The following TENM1 variants were observed in gnomAD, a reference collection of about 807,000 sequenced individuals.
TENM1 encodes teneurin transmembrane protein 1.
In TENM1, 35 loss-of-function variants were observed where a neutral mutation model predicts 174.8. The ratio of observed to expected loss-of-function variants is 0.20; its 90% CI spans 0.15 to 0.27. The LOEUF (loss-of-function observed/expected upper bound fraction) is 0.27. TENM1 is among the 10% of genes least tolerant of loss of function. The probability of loss-of-function intolerance (pLI) is 1.00; values close to 1 mark genes in which losing one functional copy is unlikely to be tolerated. For synonymous variants in TENM1, 781 were observed against 798.7 expected, an observed-to-expected ratio of 0.98 and a Z score of 0.37; for missense variants, 1,633 against 2,130.1, an observed-to-expected ratio of 0.77 and a Z score of 4.59.
At chrX:124,472,769 T>C (rs185450968) in intron 22 of TENM1, among the ~76,000 whole-genome samples, 263 of 111,198 alleles carry the variant, frequency 2.4e-3, no homozygotes, top group African/African-American at 7.8e-3. Flanking sequence ...GTCAACACAC[T>C]GTAGACTTCA....
At chrX:125,041,339 T>C in the TENM1 span, among the ~76,000 whole-genome samples, 1 of 111,133 alleles carries the variant, frequency 9.0e-6, no homozygotes, top group Non-Finnish European at 1.9e-5. Flanking sequence ...ATTGAACTTC[T>C]GGTCACACTT....
intron 3 of TENM1, among the ~76,000 whole-genome samples, chrX:124,753,782 G>A (rs1248929832): frequency 8.9e-6 from 1 of 111,762 alleles, no homozygotes; most frequent in East Asian, 2.8e-4. Flanking sequence ...TTTATATGCT[G>A]GATTACATTT....
At chrX:125,058,987 TCA>T in the TENM1 span, among the ~76,000 whole-genome samples, 19,937 of 103,127 alleles carry the variant, frequency 0.19, 1,478 homozygotes, top group Admixed American at 0.33. Context: ...TTCATCATCA[TCA>T]CACACACACA....
intron 22 of TENM1, among the ~76,000 whole-genome samples, chrX:124,462,985 C>A (rs1346947749): frequency 1.8e-5 from 2 of 111,536 alleles, no homozygotes; most frequent in East Asian, 2.8e-4. Context: ...GGTTGACAAC[C>A]AAGAGCAAAC....
chrX:124,454,287 C>G (rs1360703615), intron 22 of TENM1, among the ~76,000 whole-genome samples: 1 of 111,566 alleles, frequency 9.0e-6, no homozygotes, highest in African/African-American at 3.3e-5. Flanking sequence ...CCTTACTTAG[C>G]TAAAGTGATC....
the TENM1 span, among the ~76,000 whole-genome samples, chrX:125,001,925 TCACACACACACACA>T: frequency 6.7e-4 from 45 of 67,249 alleles, no homozygotes; most frequent in Non-Finnish European, 1.1e-3. Context: ...TCTAGAGAGA[TCACACACACACACA>T]CACACACACA....
chrX:124,409,867 A>G (rs2060512237), intron 25 of TENM1, among the ~76,000 whole-genome samples: 1 of 110,637 alleles, frequency 9.0e-6, no homozygotes, highest in African/African-American at 3.3e-5. Flanking sequence ...ATGAAATAAA[A>G]GAGGATACAA....
intron 3 of TENM1, among the ~76,000 whole-genome samples, chrX:124,793,134 T>C (rs960249469): frequency 8.9e-6 from 1 of 111,744 alleles, no homozygotes; most frequent in African/African-American, 3.2e-5. Flanking sequence ...AATAATTTTA[T>C]AGTCTTTTCC....
At chrX:125,145,180 T>C in the TENM1 span, among the ~76,000 whole-genome samples, 1 of 111,982 alleles carries the variant, frequency 8.9e-6, no homozygotes, top group Non-Finnish European at 1.9e-5. Context: ...CTGGGCCTGA[T>C]TTCTTTTTTG....
chrX:125,104,846 T>C, the TENM1 span, among the ~76,000 whole-genome samples: 1 of 112,111 alleles, frequency 8.9e-6, no homozygotes, highest in Non-Finnish European at 1.9e-5. Flanking sequence ...AATAACTTCG[T>C]TCTACAATAA....
At chrX:124,839,216 G>A (rs2056449782) in intron 3 of TENM1, among the ~76,000 whole-genome samples, 1 of 111,417 alleles carries the variant, frequency 9.0e-6, no homozygotes, top group Admixed American at 9.6e-5. Flanking sequence ...CAAATTTTAG[G>A]AGTAAAAAGA....
At chrX:124,822,318 A>G (rs2056056420) in intron 3 of TENM1, among the ~76,000 whole-genome samples, 1 of 112,410 alleles carries the variant, frequency 8.9e-6, no homozygotes, top group South Asian at 3.7e-4. Context: ...CTCACACCTC[A>G]TGGACTGTTA....
chrX:125,139,912 G>T, the TENM1 span, among the ~76,000 whole-genome samples: 1 of 101,577 alleles, frequency 9.8e-6, no homozygotes, highest in East Asian at 3.1e-4. Flanking sequence ...AGAGAGAGAA[G>T]TAGAGAGAGA....
chrX:124,469,896 A>G (rs1315001487), intron 22 of TENM1, among the ~76,000 whole-genome samples: 1 of 111,813 alleles, frequency 8.9e-6, no homozygotes, highest in Non-Finnish European at 1.9e-5. Flanking sequence ...CAGATATGAA[A>G]TGAGACTCAA....
At chrX:124,736,976 T>C in exon 4 of TENM1, 1 of 1,209,741 alleles carries the variant, frequency 8.3e-7, no homozygotes, top group Non-Finnish European at 1.1e-6. Flanking sequence ...AATGGTATGT[T>C]GCTGTTCAGG....
At chrX:124,986,641 T>A in the TENM1 span, among the ~76,000 whole-genome samples, 1 of 110,585 alleles carries the variant, frequency 9.0e-6, no homozygotes, top group Admixed American at 9.7e-5. Flanking sequence ...TTTTTGTTTG[T>A]TTGTTTGTTT....
intron 3 of TENM1, among the ~76,000 whole-genome samples, chrX:124,860,621 T>C (rs2056894561): frequency 8.9e-6 from 1 of 111,988 alleles, no homozygotes; most frequent in Admixed American, 9.5e-5. Context: ...CTTCTTCCTA[T>C]GTTATTTACA....
intron 15 of TENM1, among the ~76,000 whole-genome samples, chrX:124,542,050 G>A (rs1237945690): frequency 8.9e-6 from 1 of 112,327 alleles, no homozygotes; most frequent in Non-Finnish European, 1.9e-5. Context: ...GCTACCTGTA[G>A]AGAGAAGGAT....
chrX:124,946,724 C>G (rs2058408280), intron 1 of TENM1, among the ~76,000 whole-genome samples: 1 of 110,901 alleles, frequency 9.0e-6, no homozygotes, highest in Non-Finnish European at 1.9e-5. Context: ...TTTCAAGAAA[C>G]TCTAAGAAAA....
Sources: allele counts gnomAD v4.1 joint callset (sites outside exome capture counted in the v4.1 genomes callset), GRCh38; gene constraint gnomAD v4.1.1; transcripts MANE v1.5; gene names NCBI Gene and HGNC (gene_info 2026-07-23, HGNC 2026-07-21).